Variants in GLIS1 observed in about 807,000 individuals in gnomAD.
GLIS1 encodes the protein zinc finger protein GLIS1.
GLIS1 carries 24 observed loss-of-function variants against 63.8 expected under a neutral mutation model. That is an observed-to-expected ratio of 0.38 (90% CI 0.27 to 0.53). The LOEUF is 0.53. Ranked by LOEUF, GLIS1 falls within the 20% of genes least tolerant of loss-of-function variation. The pLI is 0.85. For synonymous variants in GLIS1, 450 were observed against 482.5 expected, an observed-to-expected ratio of 0.93 and a Z score of 0.88; for missense variants, 1,036 against 1,074.1, an observed-to-expected ratio of 0.96 and a Z score of 0.50.
At chr1:53,664,150 G>A (rs1446515642) in intron 2 of GLIS1, among the ~76,000 whole-genome samples, 2 of 152,152 alleles carry the variant, frequency 1.3e-5, no homozygotes, top group African/African-American at 4.8e-5. Context: ...GGAAAGCCTG[G>A]CACATCAGAG....
intron 2 of GLIS1, among the ~76,000 whole-genome samples, chr1:53,614,080 T>C (rs1645453452): frequency 6.6e-6 from 1 of 152,194 alleles, no homozygotes; most frequent in African/African-American, 2.4e-5. Flanking sequence ...AATTCATTCA[T>C]TTAACACATG....
rs1557549491 is a variant in GLIS1 at position 53,737,989 on chromosome 1, C to G, written c.76G>C (p.Gly26Arg). Reference protein sequence around the residue: ...EAPGAPGPDRGPASLGAHMAF... With the variant: ...EAPGAPGPDRRPASLGAHMAF... ...ATGTGCGCGCCGAGGCTGGCGGGGC[C>G]GCGGTCGGGGCCGGGCGCACCAGGG... The change falls in exon 2 of 11, where the codon GGC (glycine) becomes CGC (arginine). Residue 26 changes from glycine (G) to arginine (R), a missense_variant. Gly to Arg is a moderately radical substitution (Grantham distance 125). This residue lies in a region of GLIS1 where 592 missense variants were observed against 593.9 expected (regional missense o/e 1.00). Coordinates refer to ENST00000628545, the MANE Select transcript of GLIS1 (RefSeq NM_001367484.1). The G allele has an allele frequency of 8.1e-7, 1 of 1,230,446 alleles. No homozygotes were observed. Among genetic ancestry groups the G allele is most frequent in the Non-Finnish European group, 1.0e-6 (1 of 987,108 alleles). 76.2% of individuals were successfully genotyped at this position (1,230,446 alleles called of 1,614,324 possible). A position where few individuals can be genotyped will look rare whatever the true frequency, so the allele number is the denominator to read the frequency against.
chr1:53,594,842 G>T lies in GLIS1; in HGVS notation c.586C>A (p.His196Asn), dbSNP rs1200956498. ...CGGCCCGGGAGGTCCAGGTCTGGGT[G>T]CAGGCCAGTGGCCAGCGGGCCCCGA... is the stretch of plus-strand genomic sequence containing the variant. ...HCRGPLATGL[H>N]PDLDLPGRSL... The change falls in exon 4 of 11, where the codon CAC becomes AAC. Residue 196 changes from histidine (H) to asparagine (N), a missense_variant. By Grantham distance (68) the His-to-Asn change is moderately conservative (BLOSUM62 1). Around this residue, in one of 3 missense-constraint regions of GLIS1, gnomAD observed 592 missense variants for 593.9 expected, o/e 1.00. Transcript: ENST00000628545. 1 of 1,600,990 alleles carries T rather than the reference G, an allele frequency of 6.2e-7. No individual in the cohort carries two copies. The highest frequency in any genetic ancestry group is 8.5e-7 in the Non-Finnish European group (1 of 1,176,116).
At chr1:53,691,566 C>G (rs1205419104) in intron 2 of GLIS1, among the ~76,000 whole-genome samples, 2 of 152,124 alleles carry the variant, frequency 1.3e-5, no homozygotes, top group African/African-American at 4.8e-5. Flanking sequence ...ATGAGCTCCT[C>G]CACCACTGCT....
At chr1:53,688,741 G>C (rs143159962) in intron 2 of GLIS1, 6 of 152,218 alleles carry the variant, frequency 3.9e-5, no homozygotes, top group African/African-American at 1.4e-4. Context: ...ATTGGTTTTT[G>C]TGTGGGGGGG....
chr1:53,530,672 C>A (rs1002736146), intron 4 of GLIS1, among the ~76,000 whole-genome samples: 1 of 152,184 alleles, frequency 6.6e-6, no homozygotes, highest in Non-Finnish European at 1.5e-5. Flanking sequence ...AGACAATTTC[C>A]AGCCTTTGTT....
chr1:53,698,818 G>C (rs1646493370), intron 2 of GLIS1, among the ~76,000 whole-genome samples: 1 of 152,130 alleles, frequency 6.6e-6, no homozygotes, highest in African/African-American at 2.4e-5. Flanking sequence ...TGGTTTACGA[G>C]CCCATTGACC....
intron 2 of GLIS1, among the ~76,000 whole-genome samples, chr1:53,729,339 A>G (rs543608739): frequency 9.8e-4 from 149 of 152,314 alleles, no homozygotes; most frequent in African/African-American, 3.4e-3. Context: ...GCCCTAGCAC[A>G]GAGATATTCT....
chr1:53,519,835 T>C (rs970092462), intron 7 of GLIS1, among the ~76,000 whole-genome samples: 2 of 152,224 alleles, frequency 1.3e-5, no homozygotes, highest in Non-Finnish European at 2.9e-5. Flanking sequence ...CTCAGTTTTC[T>C]CCTCTGGAGC....
rs1646929806 is a variant in GLIS1 at position 53,738,005 on chromosome 1, C to A, written c.60G>T (p.Ala20=). 8.1e-6 allele frequency: 10 copies of A among 1,230,676 alleles called. No homozygotes were observed. The highest frequency in any genetic ancestry group is 1.6e-5 in the African/African-American group (1 of 64,448). The allele number at this position is 1,230,676 out of a possible 1,614,324, so 76.2% of individuals were successfully genotyped here. A position where few individuals can be genotyped will look rare whatever the true frequency, so the allele number is the denominator to read the frequency against. The change falls in exon 2 of 11, where the codon GCG becomes GCT. Residue 20 remains alanine (A), a synonymous_variant. Transcript: ENST00000628545. The part of the protein sequence containing the change: ...SDKRPKEAPG[A]PGPDRGPASL... ...TGGCGGGGCCGCGGTCGGGGCCGGG[C>A]GCACCAGGGGCCTCCTTAGGCCTCT...
intron 2 of GLIS1, among the ~76,000 whole-genome samples, chr1:53,600,675 C>A (rs1645308047): frequency 6.6e-6 from 1 of 152,176 alleles, no homozygotes; most frequent in Non-Finnish European, 1.5e-5. Context: ...GTGAGAACAC[C>A]AGCTGGGGCA....
At chr1:53,670,831 G>T (rs183591148) in intron 2 of GLIS1, among the ~76,000 whole-genome samples, 1 of 152,336 alleles carries the variant, frequency 6.6e-6, no homozygotes, top group East Asian at 1.9e-4. Flanking sequence ...GGAGCTTACT[G>T]GTTCTTTGTT....
chr1:53,526,385 G>A lies in GLIS1; in HGVS notation c.1483-1498C>T, dbSNP rs1644468969. Among the ~76,000 whole-genome samples the A allele has an allele frequency of 6.6e-6, 1 of 152,186 alleles. No homozygotes were observed. Among genetic ancestry groups the A allele is most frequent in the Non-Finnish European group, 1.5e-5 (1 of 68,022 alleles). On this transcript the variant is annotated intron_variant, in intron 5 of 10. Coordinates refer to ENST00000628545, the MANE Select transcript of GLIS1 (RefSeq NM_001367484.1). This position sits in a 1 kb window ranked among gnomAD's most constrained non-coding sequence, Gnocchi z 4.4. ...TGGAGAGTTGCCAGATTAAAGAAACGGAGGAGAGCAAAAAGAGAGAGACAG... is the reference window on the plus strand; with the variant it reads ...TGGAGAGTTGCCAGATTAAAGAAACAGAGGAGAGCAAAAAGAGAGAGACAG...
chr1:53,583,102 T>C (rs1645101822), intron 4 of GLIS1, among the ~76,000 whole-genome samples: 1 of 152,128 alleles, frequency 6.6e-6, no homozygotes, highest in African/African-American at 2.4e-5. Flanking sequence ...CATTTAAATG[T>C]GGTAGGCAAC....
At chr1:53,637,003 G>T (rs1241131001) in intron 2 of GLIS1, among the ~76,000 whole-genome samples, 1 of 152,212 alleles carries the variant, frequency 6.6e-6, no homozygotes, top group East Asian at 1.9e-4. Context: ...AGCGCTTGCT[G>T]CAGGACGTGA....
chr1:53,723,909 G>A (rs1024058001), intron 2 of GLIS1, among the ~76,000 whole-genome samples: 10 of 152,102 alleles, frequency 6.6e-5, no homozygotes, highest in African/African-American at 9.7e-5. Context: ...TGCTGCTCAG[G>A]GCACTGTCAG....
At position 53,693,722 on chromosome 1, in the gene GLIS1, T is replaced by A. The variant is rs539216644; in HGVS notation, c.259+44084A>T. Among the ~76,000 whole-genome samples the A allele has an allele frequency of 2.0e-5, 3 of 152,108 alleles. 1 individual carries two copies. In the South Asian group the frequency reaches 6.2e-4, roughly 32 times the overall value. ...TGGCGGCACTGAAGAGGGGAGGGGATGGTGCAGGAAGCCCGGGATGTCGAG... is the reference window on the plus strand; with the variant it reads ...TGGCGGCACTGAAGAGGGGAGGGGAAGGTGCAGGAAGCCCGGGATGTCGAG... On this transcript the variant is annotated intron_variant, in intron 2 of 10. Transcript: ENST00000628545.
chr1:53,601,635 G>C (rs980657324), intron 2 of GLIS1, among the ~76,000 whole-genome samples: 2 of 152,280 alleles, frequency 1.3e-5, no homozygotes, highest in East Asian at 3.9e-4. Context: ...TCATTTTACA[G>C]AGGACAAAAC....
chr1:53,630,918 C>T (rs4926607), intron 2 of GLIS1, among the ~76,000 whole-genome samples: 26,965 of 152,144 alleles, frequency 0.18, 2,815 homozygotes, highest in Non-Finnish European at 0.24. Flanking sequence ...CTAGTGGGGG[C>T]GAATATTTGA....
Sources: gnomAD v4.1 joint callset for allele counts (sites outside exome capture counted in the v4.1 genomes callset) on GRCh38, gnomAD v4.1.1 for gene constraint, gnomAD v4.1.1 regional missense constraint, Gnocchi (gnomAD v3.1) non-coding constraint, MANE v1.5 for transcripts, NCBI Gene and HGNC (gene_info 2026-07-23, HGNC 2026-07-21) for gene names.